The following RPS6KA4 variants were observed in gnomAD, a reference collection of about 807,000 sequenced individuals.
RPS6KA4 encodes ribosomal protein S6 kinase A4.
RPS6KA4 carries 38 observed loss-of-function variants against 89.6 expected under a neutral mutation model. The observed-to-expected ratio is 0.42, with a 90% CI of 0.33 to 0.56. RPS6KA4 has a LOEUF of 0.56. Ranked by LOEUF, RPS6KA4 falls within the 20% of genes least tolerant of loss-of-function variation. RPS6KA4 has a pLI of 0.07. For synonymous variants in RPS6KA4, 495 were observed against 492.8 expected, an observed-to-expected ratio of 1.00 and a Z score of -0.06; for missense variants, 873 against 1,098.8, an observed-to-expected ratio of 0.79 and a Z score of 2.90.
chr11:64,371,267 C>T lies in RPS6KA4; in HGVS notation c.2122-16C>T, dbSNP rs768968510. ...TCAGGCGGGGGTGGGGGCACTCACC[C>T]TTTCCTTTCTGCCAGGCATTCAACC... On this transcript the variant is annotated splice_polypyrimidine_tract_variant and intron_variant, in intron 16 of 16. Transcript: ENST00000334205. 1.2e-6 allele frequency: 2 copies of T among 1,611,968 alleles called. No individual in the cohort carries two copies. Among genetic ancestry groups the T allele is most frequent in the Non-Finnish European group, 1.7e-6 (2 of 1,179,326 alleles).
Position 64,368,061 on chromosome 11 carries a change from C to T in RPS6KA4, c.1072-71C>T. 3 of 1,546,710 alleles carry T rather than the reference C, an allele frequency of 1.9e-6. No individual in the cohort carries two copies. In the Admixed American group the frequency reaches 5.4e-5, roughly 28 times the overall value. On this transcript the variant is annotated intron_variant, in intron 9 of 16. Transcript: ENST00000334205. ...CAGGGTCTTGCCTTTGCCTGGTTCCCCACCAGAGTCTCCTCACCCGCACCC... is the reference window on the plus strand; with the variant it reads ...CAGGGTCTTGCCTTTGCCTGGTTCCTCACCAGAGTCTCCTCACCCGCACCC...
In RPS6KA4 at chr11:64,371,336, A is replaced by C. The variant is rs1591322894; in HGVS notation, c.2175A>C (p.Ala725=). The C allele has an allele frequency of 6.2e-7, 1 of 1,612,696 alleles. No individual in the cohort carries two copies. Residue 725 remains alanine, a synonymous_variant, in exon 17 of 17, where the codon GCA becomes GCC. Transcript: ENST00000334205. ...TCTTCCTGAAGAGCGTGGAGAATGCACCCCTGGCCAAGCGGCGGAAGCAGA... is the reference window on the plus strand; with the variant it reads ...TCTTCCTGAAGAGCGTGGAGAATGCCCCCCTGGCCAAGCGGCGGAAGCAGA... ...EGFFLKSVEN[A]PLAKRRKQKL... is the part of the protein sequence containing the mutation.
rs1414479976 is a variant in RPS6KA4, at chr11:64,368,659, G to T, written c.1335-45G>T. On this transcript the variant is annotated intron_variant, in intron 11 of 16. Coordinates refer to ENST00000334205, the MANE Select transcript of RPS6KA4 (RefSeq NM_003942.3). ...GTGGCAGAGCGCTGTCCCGGGGGCG[G>T]GGCCGAAGCGCGGCGACCGTAACTC... The T allele has an allele frequency of 1.9e-6, 3 of 1,573,794 alleles. No homozygotes were observed. In the South Asian group the frequency reaches 3.5e-5, roughly 18 times the overall value.
chr11:64,366,264 G>A (rs576260290), intron 9 of RPS6KA4, among the ~76,000 whole-genome samples: 124 of 151,862 alleles, frequency 8.2e-4, no homozygotes, highest in Admixed American at 5.0e-3. Context: ...TCTGCCTCAC[G>A]GGTTCAAGCA....
At position 64,361,603 on chromosome 11, in the gene RPS6KA4, A is replaced by G. The variant is rs2036751199; in HGVS notation, c.652-39A>G. 6.2e-7 allele frequency: 1 copy of G among 1,612,702 alleles called. No individual in the cohort carries two copies. The highest frequency in any genetic ancestry group is 1.3e-5 in the African/African-American group (1 of 75,038). ...GAGGTGGAAAGGTGGGGTGTGAGGC[A>G]GGGGAGATGCAGGCCCTCACCCCGG... On this transcript the variant is annotated intron_variant, in intron 6 of 16. Transcript: ENST00000334205. This position sits in a 1 kb window ranked among gnomAD's most constrained non-coding sequence, Gnocchi z 4.7.
chr11:64,368,085 C>T, intron 9 of RPS6KA4, 47 bp from the exon 10 acceptor site: 4 of 1,603,236 alleles, frequency 2.5e-6, no homozygotes, highest in Non-Finnish European at 3.4e-6. Flanking sequence ...TCACCCGCAC[C>T]CCCAACCCCC....
Position 64,369,522 on chromosome 11 carries a change from G to A in RPS6KA4, c.1505G>A (p.Ser502Asn), listed in dbSNP as rs2036994865. 5 of 1,609,440 alleles carry A rather than the reference G, an allele frequency of 3.1e-6. No homozygotes were observed. The highest frequency in any genetic ancestry group is 2.7e-5 in the African/African-American group (2 of 74,878). ...CACATCCGCAAGAAGCGGCACTTCAGCGAGTCGGAAGCAAGCCAGATCCTG... is the reference window on the plus strand; with the variant it reads ...CACATCCGCAAGAAGCGGCACTTCAACGAGTCGGAAGCAAGCCAGATCCTG... ...LEHIRKKRHF[S>N]ESEASQILRS... The change falls in exon 13 of 17, where the codon AGC becomes AAC. Residue 502 changes from serine (S) to asparagine (N), a missense_variant. Around this residue, in one of 4 missense-constraint regions of RPS6KA4, gnomAD observed 542 missense variants for 736.4 expected, o/e 0.74. Transcript: ENST00000334205.
intron 13 of RPS6KA4, 24 bp downstream of exon 13, chr11:64,369,643 G>C (rs955565959): frequency 6.2e-7 from 1 of 1,600,974 alleles, no homozygotes. Flanking sequence ...CTCGGCGGCG[G>C]GGCGGAGCGG....
In RPS6KA4 at chr11:64,370,890, G is replaced by A. The variant is rs1244914050; in HGVS notation, c.2121+164G>A. ...GGAGGCCGAGGCGGGCGGATCACGA[G>A]GTCAGGGGTTCGAGACCAGCCTGAA... On this transcript the variant is annotated intron_variant, in intron 16 of 16. Coordinates refer to ENST00000334205, the MANE Select transcript of RPS6KA4 (RefSeq NM_003942.3). The surrounding 1 kb of genome is among the most constrained non-coding windows in gnomAD (Gnocchi z 4.1). Among the ~76,000 whole-genome samples the A allele has an allele frequency of 6.6e-6, 1 of 152,134 alleles. No individual in the cohort carries two copies. The highest frequency in any genetic ancestry group is 1.5e-5 in the Non-Finnish European group (1 of 68,012).
rs1218042333 is a variant in RPS6KA4, at chr11:64,369,437, C to T, written c.1429-9C>T. The T allele has an allele frequency of 1.9e-6, 3 of 1,584,294 alleles. No homozygotes were observed. Among genetic ancestry groups the T allele is most frequent in the Non-Finnish European group, 2.6e-6 (3 of 1,167,514 alleles). On this transcript the variant is annotated splice_polypyrimidine_tract_variant and intron_variant, in intron 12 of 16. Transcript: ENST00000334205. ...GGGTGTTGACCTTGGCCCGCCACGC[C>T]GCCCGCAGCTGCACACGTACCTGGT...
chr11:64,371,428 TCGCCTCCAAAGGGGCCCCC>T lies in RPS6KA4; in HGVS notation c.2272_2290del (p.Ser758GlufsTer20), dbSNP rs765397397. The T allele has an allele frequency of 5.0e-6, 8 of 1,602,332 alleles. No homozygotes were observed. In the South Asian group the frequency reaches 7.7e-5, roughly 16 times the overall value. On this transcript the variant is annotated frameshift_variant, in exon 17 of 17. Coordinates refer to ENST00000334205, the MANE Select transcript of RPS6KA4 (RefSeq NM_003942.3). LOFTEE classifies it high-confidence loss of function. ...CCAGCCAACCCGGGCCGAGCCCCCG[TCGCCTCCAAAGGGGCCCCC>T]CGCCGAGCCAACGGCCCCCTGCCCC...
rs762003590 is a variant in RPS6KA4, at chr11:64,361,898, G to A, written c.802G>A (p.Val268Met). 24 of 1,612,978 alleles carry A rather than the reference G, an allele frequency of 1.5e-5. No individual in the cohort carries two copies. Among genetic ancestry groups the A allele is most frequent in the Middle Eastern group, 1.6e-4 (1 of 6,082 alleles). The change falls in exon 8 of 17, where the codon GTG (valine) becomes ATG (methionine). Residue 268 changes from valine (V) to methionine (M), a missense_variant. Val to Met is a conservative substitution (Grantham distance 21). Transcript: ENST00000334205. The surrounding 1 kb of genome is among the most constrained non-coding windows in gnomAD (Gnocchi z 4.7). Reference sequence around the variant, plus strand: ...TCCCTTCCCCCCTCGGATCGGGCCCGTGGCGCAGGACCTGCTGCAGCGGCT... The same window carrying A: ...TCCCTTCCCCCCTCGGATCGGGCCCATGGCGCAGGACCTGCTGCAGCGGCT... ...SPPFPPRIGP[V>M]AQDLLQRLLC...
intron 4 of RPS6KA4, 106 bp downstream of exon 4, chr11:64,360,698 G>T: frequency 1.0e-6 from 1 of 976,344 alleles, no homozygotes. Context: ...GCTTCCTGGG[G>T]GGCCAGTGGT....
intron 16 of RPS6KA4, 108 bp from the exon 17 acceptor site, chr11:64,371,175 G>A (rs1334553441): frequency 2.9e-6 from 3 of 1,017,230 alleles, no homozygotes; most frequent in Admixed American, 2.2e-5. Flanking sequence ...AGGCCCTGTC[G>A]GCCTTGACCT....
chr11:64,360,509 C>G lies in RPS6KA4; in HGVS notation c.379C>G (p.Leu127Val). ...YVSGGEMFTHLYQRQYFKEAE... is the reference protein window; with the variant it reads ...YVSGGEMFTHVYQRQYFKEAE... Reference sequence around the variant, plus strand: ...GAGCGGCGGGGAGATGTTCACCCACCTCTACCAGCGCCAGTACTTCAAGGA... The same window carrying G: ...GAGCGGCGGGGAGATGTTCACCCACGTCTACCAGCGCCAGTACTTCAAGGA... The change falls in exon 4 of 17, where the codon CTC becomes GTC. Residue 127 changes from leucine (L) to valine (V), a missense_variant. Physicochemically the swap from Leu to Val is conservative, Grantham distance 32. Transcript: ENST00000334205. 1 of 1,611,648 alleles carries G rather than the reference C, an allele frequency of 6.2e-7. No homozygotes were observed. Among genetic ancestry groups the G allele is most frequent in the Non-Finnish European group, 8.5e-7 (1 of 1,178,782 alleles).
At position 64,359,233 on chromosome 11, in the gene RPS6KA4, G is replaced by C; in HGVS notation, c.-3G>C. The C allele has an allele frequency of 7.3e-7, 1 of 1,374,170 alleles. No homozygotes were observed. Among genetic ancestry groups the C allele is most frequent in the Non-Finnish European group, 9.5e-7 (1 of 1,053,212 alleles). The allele number at this position is 1,374,170 out of a possible 1,614,324, so 85.1% of individuals were successfully genotyped here. A position where few individuals can be genotyped will look rare whatever the true frequency, so the allele number is the denominator to read the frequency against. ...CCGCGCGGGCCCCAGCGACCCGCCC[G>C]CCATGGGGGACGAGGACGACGATGA... On this transcript the variant is annotated 5_prime_UTR_variant, in exon 1 of 17. Transcript: ENST00000334205.
intron 9 of RPS6KA4, among the ~76,000 whole-genome samples, chr11:64,366,392 A>G (rs1393486962): frequency 6.6e-6 from 1 of 152,062 alleles, no homozygotes; most frequent in Non-Finnish European, 1.5e-5. Context: ...GATGGTCTCA[A>G]TCTCTTGACC....
intron 8 of RPS6KA4, among the ~76,000 whole-genome samples, chr11:64,362,827 C>T (rs2036790811): frequency 1.3e-5 from 2 of 152,168 alleles, no homozygotes; most frequent in Non-Finnish European, 2.9e-5. Flanking sequence ...CAGGCCACCA[C>T]GACTGGCTAA....
In RPS6KA4 at chr11:64,361,155, C is replaced by T. The variant is rs149154456; in HGVS notation, c.484C>T (p.Leu162=). 1.3e-5 allele frequency: 21 copies of T among 1,613,224 alleles called. No individual in the cohort carries two copies. Among genetic ancestry groups the T allele is most frequent in the Non-Finnish European group, 1.7e-5 (20 of 1,179,984 alleles). The change falls in exon 5 of 17, where the codon CTG becomes TTG. Residue 162 remains leucine, a synonymous_variant. Coordinates refer to ENST00000334205, the MANE Select transcript of RPS6KA4 (RefSeq NM_003942.3). The surrounding 1 kb of genome is among the most constrained non-coding windows in gnomAD (Gnocchi z 4.7). ...LHKLGIIYRD[L]KLENVLLDSE... ...CCAGCTCGGCATCATTTACCGAGACCTGAAACTGGAGAATGTGCTGCTGGA... is the reference window on the plus strand; with the variant it reads ...CCAGCTCGGCATCATTTACCGAGACTTGAAACTGGAGAATGTGCTGCTGGA...
Sources: gnomAD v4.1 joint callset for allele counts (sites outside exome capture counted in the v4.1 genomes callset) on GRCh38, gnomAD v4.1.1 for gene constraint, gnomAD v4.1.1 regional missense constraint, Gnocchi (gnomAD v3.1) non-coding constraint, MANE v1.5 for transcripts, NCBI Gene and HGNC (gene_info 2026-07-23, HGNC 2026-07-21) for gene names.